Variants in RBMS3 observed in about 807,000 individuals in gnomAD.
RBMS3 encodes the protein RNA-binding motif, single-stranded-interacting protein 3.
Under a neutral mutation model 66.8 loss-of-function variants are expected in RBMS3, and 27 were observed. The ratio of observed to expected loss-of-function variants is 0.40; its 90% CI spans 0.30 to 0.56. The LOEUF is 0.56. Among genes scored for constraint, RBMS3 ranks in the 20% least tolerant of loss-of-function variants. RBMS3 has a pLI of 0.40. For missense variants in RBMS3, 513 were observed against 549.5 expected (o/e 0.93, Z 0.66); for synonymous variants, 188 against 183.0 (o/e 1.03, Z -0.22).
At chr3:29,289,040 T>A (rs1014999592) in intron 1 of RBMS3, among the ~76,000 whole-genome samples, 2 of 152,040 alleles carry the variant, frequency 1.3e-5, no homozygotes, top group Non-Finnish European at 2.9e-5. Flanking sequence ...TATTTTCATA[T>A]AACTTAGTCC....
chr3:29,482,542 C>A (rs1208865701), intron 2 of RBMS3, among the ~76,000 whole-genome samples: 2 of 151,858 alleles, frequency 1.3e-5, no homozygotes, highest in African/African-American at 4.8e-5. Flanking sequence ...ATAGGCATTG[C>A]CAATGTTTTC....
At chr3:29,489,467 A>G (rs1303204897) in intron 3 of RBMS3, among the ~76,000 whole-genome samples, 1 of 152,032 alleles carries the variant, frequency 6.6e-6, no homozygotes, top group Non-Finnish European at 1.5e-5. Context: ...CTTCCACCTC[A>G]TAGATTCAAG....
At chr3:29,346,536 T>C (rs1446950840) in intron 1 of RBMS3, among the ~76,000 whole-genome samples, 7 of 151,422 alleles carry the variant, frequency 4.6e-5, no homozygotes, top group Non-Finnish European at 1.0e-4. Flanking sequence ...CTCGAGTAGC[T>C]GGGATTACAG....
intron 2 of RBMS3, among the ~76,000 whole-genome samples, chr3:29,450,724 C>T (rs1424761813): frequency 6.6e-6 from 1 of 151,840 alleles, no homozygotes; most frequent in African/African-American, 2.4e-5. Flanking sequence ...TAAGCCTAAA[C>T]CAGGGTGGTA....
chr3:29,751,357 A>G (rs1037892605), intron 5 of RBMS3, among the ~76,000 whole-genome samples: 3 of 152,240 alleles, frequency 2.0e-5, no homozygotes, highest in Non-Finnish European at 2.9e-5. Flanking sequence ...ACCTTTTATA[A>G]CCTTTTGTAA....
intron 1 of RBMS3, among the ~76,000 whole-genome samples, chr3:29,410,145 C>T (rs1182879676): frequency 6.6e-6 from 1 of 152,096 alleles, no homozygotes; most frequent in African/African-American, 2.4e-5. Context: ...ATATGTTTCA[C>T]TAATAAAAAG....
intron 4 of RBMS3, among the ~76,000 whole-genome samples, chr3:29,720,342 G>A (rs1559603776): frequency 1.3e-5 from 2 of 151,998 alleles, no homozygotes; most frequent in African/African-American, 4.8e-5. Flanking sequence ...ATATAGACAG[G>A]CACCCAGTGA....
chr3:29,887,173 T>G (rs1421659273), intron 8 of RBMS3, among the ~76,000 whole-genome samples: 2 of 151,782 alleles, frequency 1.3e-5, no homozygotes, highest in African/African-American at 2.4e-5. Flanking sequence ...CAACATGTAA[T>G]GACCGACCGA....
At chr3:29,406,051 A>G (rs1250445194) in intron 1 of RBMS3, among the ~76,000 whole-genome samples, 2 of 152,184 alleles carry the variant, frequency 1.3e-5, no homozygotes, top group Admixed American at 1.3e-4. Context: ...ATGCAAATAA[A>G]CACCCAGACT....
At chr3:29,365,635 C>T (rs2037859057) in intron 1 of RBMS3, among the ~76,000 whole-genome samples, 1 of 152,162 alleles carries the variant, frequency 6.6e-6, no homozygotes, top group African/African-American at 2.4e-5. Context: ...ATCACCTTTG[C>T]TCTCTTAGGT....
chr3:29,317,462 G>A (rs1297861451), intron 1 of RBMS3, among the ~76,000 whole-genome samples: 2 of 151,448 alleles, frequency 1.3e-5, no homozygotes, highest in African/African-American at 4.8e-5. Flanking sequence ...TCATTATTGC[G>A]ACAACAGAAG....
chr3:29,957,313 T>C lies in RBMS3; in HGVS notation c.1098+13059T>C, dbSNP rs563746965. On this transcript the variant is annotated intron_variant, in intron 12 of 14. Transcript: ENST00000383767. ...TAATCCAGCAACATCTGGCCCATGG[T>C]AGGTGTTTATTAAATATTCATTGAT... Among the ~76,000 whole-genome samples the C allele has an allele frequency of 2.0e-5, 3 of 152,292 alleles. No individual in the cohort carries two copies. The South Asian group carries it at 6.2e-4, about 32-fold the overall frequency.
Position 29,375,361 on chromosome 3 carries a change from A to T in RBMS3, c.76-59382A>T, listed in dbSNP as rs546460429. Among the ~76,000 whole-genome samples the T allele has an allele frequency of 5.9e-5, 9 of 152,336 alleles. 1 individual carries two copies. The South Asian group carries it at 1.9e-3, about 32-fold the overall frequency. On this transcript the variant is annotated intron_variant, in intron 1 of 14. Transcript: ENST00000383767. ...ACAAAAGCAAAAATTGACAAATGGGATCTAATTAAAGAGCTTCTGCACAGC... is the reference window on the plus strand; with the variant it reads ...ACAAAAGCAAAAATTGACAAATGGGTTCTAATTAAAGAGCTTCTGCACAGC...
chr3:29,445,865 G>A (rs1284576396), intron 2 of RBMS3, among the ~76,000 whole-genome samples: 3 of 152,020 alleles, frequency 2.0e-5, no homozygotes, highest in East Asian at 3.9e-4. Context: ...GTTTTACACG[G>A]TAAATATGTC....
At position 29,358,680 on chromosome 3, in the gene RBMS3, A is replaced by G. The variant is rs909129105; in HGVS notation, c.76-76063A>G. Reference sequence around the variant, plus strand: ...ATATTGATTCTTCCTATCCATGAACATGGAATGTTCTTCCATTTTTTTGTG... The same window carrying G: ...ATATTGATTCTTCCTATCCATGAACGTGGAATGTTCTTCCATTTTTTTGTG... On this transcript the variant is annotated intron_variant, in intron 1 of 14. Coordinates refer to ENST00000383767, the MANE Select transcript of RBMS3 (RefSeq NM_001003793.3). 5.3e-5 allele frequency among the ~76,000 whole-genome samples: 8 copies of G among 152,222 alleles called. No individual in the cohort carries two copies. The East Asian group carries it at 9.6e-4, about 18-fold the overall frequency.
At chr3:29,403,601 A>T (rs2039898043) in intron 1 of RBMS3, among the ~76,000 whole-genome samples, 1 of 152,098 alleles carries the variant, frequency 6.6e-6, no homozygotes, top group African/African-American at 2.4e-5. Context: ...CTAAAAGGAC[A>T]TTCCAGGGCT....
At chr3:29,710,509 G>A (rs188801166) in intron 4 of RBMS3, among the ~76,000 whole-genome samples, 8 of 152,252 alleles carry the variant, frequency 5.3e-5, no homozygotes, top group African/African-American at 1.4e-4. Flanking sequence ...CTACACAGTC[G>A]CAGGCACAGC....
intron 4 of RBMS3, among the ~76,000 whole-genome samples, chr3:29,701,788 G>C (rs1000685588): frequency 4.6e-5 from 7 of 152,134 alleles, no homozygotes; most frequent in South Asian, 4.1e-4. Flanking sequence ...AATTCTCACC[G>C]GGCCTCAGCT....
At chr3:29,966,793 G>A (rs7613436) in intron 12 of RBMS3, among the ~76,000 whole-genome samples, 33,082 of 151,994 alleles carry the variant, frequency 0.22, 5,371 homozygotes, top group African/African-American at 0.43. Context: ...AATGCTTTCA[G>A]CTTTTCCCCA....
Sources: allele counts gnomAD v4.1 joint callset (sites outside exome capture counted in the v4.1 genomes callset), GRCh38; gene constraint gnomAD v4.1.1; transcripts MANE v1.5; gene names NCBI Gene and HGNC (gene_info 2026-07-23, HGNC 2026-07-21).